ERI1: variants seen among roughly 807,000 people sequenced by gnomAD.
ERI1 encodes exoribonuclease 1, also known as 3'-5' exoribonuclease 1.
ERI1 carries 39 observed loss-of-function variants against 39.7 expected under a neutral mutation model. The observed-to-expected ratio is 0.98, with a 90% CI of 0.76 to 1.28. The LOEUF is 1.28. ERI1 is among the 50% of genes most tolerant of loss of function. The pLI is 0.00. For missense variants in ERI1, 581 were observed against 416.9 expected (o/e 1.39, Z -3.43); for synonymous variants, 204 against 149.6 (o/e 1.36, Z -2.65).
rs867137287 is a variant in ERI1 at position 9,061,997 on chromosome 8, G to T, written n.299+41533G>T. Among the ~76,000 whole-genome samples the T allele has an allele frequency of 1.4e-4, 21 of 152,204 alleles. 1 individual carries two copies. The Middle Eastern group carries it at 0.017, about 123-fold the overall frequency. ...GGAGAGTATATGGTTTTGGCACCAC[G>T]GGGTGGATAGGCAAAACAATTTGGT... On this transcript the variant is annotated intron_variant and non_coding_transcript_variant, in intron 3 of 3. Coordinates refer to the ERI1 transcript ENST00000518663.
At chr8:9,037,274 C>G (rs770679886), downstream of ERI1, among the ~76,000 whole-genome samples, 5 of 152,190 alleles carry the variant, frequency 3.3e-5, no homozygotes, top group Non-Finnish European at 5.9e-5. Context: ...CCATCACACT[C>G]GCGTTGAGTC....
chr8:9,081,599 A>G (rs1799368779), intron 3 of ERI1, among the ~76,000 whole-genome samples: 3 of 151,212 alleles, frequency 2.0e-5, no homozygotes, highest in South Asian at 4.2e-4. Flanking sequence ...CTTTCTTTCT[A>G]TGGCTCTCAG....
chr8:9,062,352 G>A (rs573878916), intron 3 of ERI1, among the ~76,000 whole-genome samples: 4 of 152,002 alleles, frequency 2.6e-5, no homozygotes, highest in South Asian at 2.1e-4. Context: ...CAGCAATGAG[G>A]TGTGGCTGTA....
intron 3 of ERI1, among the ~76,000 whole-genome samples, chr8:9,069,013 C>A (rs1160880503): frequency 6.6e-6 from 1 of 152,038 alleles, no homozygotes; most frequent in Non-Finnish European, 1.5e-5. Context: ...AGATGAGGGC[C>A]GCGCTGTGTG....
intron 3 of ERI1, among the ~76,000 whole-genome samples, chr8:9,045,727 A>T (rs1798153448): frequency 6.7e-6 from 1 of 148,978 alleles, no homozygotes. Flanking sequence ...CCCAGGCTAG[A>T]GGGCAGTGGC....
Position 9,003,097 on chromosome 8 carries a change from G to C in ERI1, c.34G>C (p.Glu12Gln). ...EDPQSKEPAG[E>Q]AVALALLESP... ...TCCACAGAGTAAAGAGCCTGCCGGCGAGGCCGTGGCTCTCGCGCTGCTGGA... is the reference window on the plus strand; with the variant it reads ...TCCACAGAGTAAAGAGCCTGCCGGCCAGGCCGTGGCTCTCGCGCTGCTGGA... Residue 12 changes from glutamate (E) to glutamine (Q), a missense_variant, in exon 1 of 7, where the codon GAG becomes CAG. Transcript: ENST00000250263. The C allele has an allele frequency of 8.0e-7, 1 of 1,247,714 alleles. No homozygotes were observed. The highest frequency in any genetic ancestry group is 4.0e-5 in the South Asian group (1 of 24,980). 77.3% of individuals were successfully genotyped at this position (1,247,714 alleles called of 1,614,324 possible).
intron 3 of ERI1, among the ~76,000 whole-genome samples, chr8:9,058,856 A>AATAAATAT (rs1374025801): frequency 5.9e-5 from 9 of 151,958 alleles, no homozygotes; most frequent in Non-Finnish European, 1.3e-4. Context: ...TAAATAAATA[A>AATAAATAT]ATAAATAAAT....
chr8:9,077,142 A>C (rs747405075), intron 3 of ERI1, among the ~76,000 whole-genome samples: 5 of 152,178 alleles, frequency 3.3e-5, no homozygotes, highest in Non-Finnish European at 7.3e-5. Flanking sequence ...TGGTATTCAA[A>C]GCTTTCTGTG....
intron 3 of ERI1, among the ~76,000 whole-genome samples, chr8:9,094,952 A>T (rs1799827932): frequency 1.3e-5 from 2 of 152,000 alleles, no homozygotes; most frequent in Non-Finnish European, 2.9e-5. Flanking sequence ...ATCCAAAGAT[A>T]ATTAATTCTC....
Position 9,003,115 on chromosome 8 carries a change from C to G in ERI1, c.52C>G (p.Leu18Val). The G allele has an allele frequency of 8.0e-7, 1 of 1,246,558 alleles. No individual in the cohort carries two copies. The highest frequency in any genetic ancestry group is 1.0e-6 in the Non-Finnish European group (1 of 990,260). The allele number at this position is 1,246,558 out of a possible 1,614,324, so 77.2% of individuals were successfully genotyped here. The part of the protein sequence containing the change: ...EPAGEAVALA[L>V]LESPRPEGGE... ...TGCCGGCGAGGCCGTGGCTCTCGCG[C>G]TGCTGGAGTCGCCGCGGCCGGAGGG... is the stretch of plus-strand genomic sequence containing the variant. Residue 18 changes from leucine to valine, a missense_variant, in exon 1 of 7, where the codon CTG (leucine) becomes GTG (valine). Coordinates refer to ENST00000250263, the MANE Select transcript of ERI1 (RefSeq NM_153332.4).
intron 3 of ERI1, among the ~76,000 whole-genome samples, chr8:9,042,271 A>T (rs1452250868): frequency 6.6e-6 from 1 of 152,208 alleles, no homozygotes; most frequent in Non-Finnish European, 1.5e-5. Context: ...TCCCTTTGCG[A>T]TAATTTCTCT....
At chr8:9,025,167 T>C (rs890428795) in intron 6 of ERI1, among the ~76,000 whole-genome samples, 2 of 152,206 alleles carry the variant, frequency 1.3e-5, no homozygotes, top group African/African-American at 4.8e-5. Context: ...CCTAATCATA[T>C]GCTGGTGTTG....
At chr8:9,035,362 A>G (rs895698683), downstream of ERI1, among the ~76,000 whole-genome samples, 4 of 152,184 alleles carry the variant, frequency 2.6e-5, no homozygotes, top group African/African-American at 9.6e-5. Context: ...GGACAGGCTG[A>G]TTGTTGTTAA....
intron 3 of ERI1, among the ~76,000 whole-genome samples, chr8:9,067,923 T>TACACACAC (rs34870760): frequency 5.2e-4 from 78 of 149,832 alleles, no homozygotes; most frequent in African/African-American, 1.8e-3. Flanking sequence ...ATGCTACAAA[T>TACACACAC]ACACACACAC....
intron 3 of ERI1, among the ~76,000 whole-genome samples, chr8:9,092,685 A>G (rs1428801993): frequency 6.6e-6 from 1 of 152,174 alleles, no homozygotes; most frequent in Non-Finnish European, 1.5e-5. Context: ...TGCCACTTGG[A>G]CAAGATTCAG....
chr8:9,067,918 A>G (rs2953803), intron 3 of ERI1, among the ~76,000 whole-genome samples: 127,454 of 151,738 alleles, frequency 0.84, 54,182 homozygotes, highest in South Asian at 0.93. Flanking sequence ...GAGTTATGCT[A>G]CAAATACACA....
intron 1 of ERI1, chr8:9,004,144 T>G: frequency 1.6e-6 from 2 of 1,289,372 alleles, no homozygotes; most frequent in Non-Finnish European, 1.0e-6. Context: ...ATGTTCCTTT[T>G]GCCCTGTGTG....
intron 3 of ERI1, among the ~76,000 whole-genome samples, chr8:9,044,611 A>G (rs1798122624): frequency 6.6e-6 from 1 of 152,146 alleles, no homozygotes; most frequent in South Asian, 2.1e-4. Context: ...CTAGGGGGTC[A>G]AAGAGGGCTC....
intron 3 of ERI1, among the ~76,000 whole-genome samples, chr8:9,043,769 A>G (rs1376153691): frequency 2.6e-5 from 4 of 152,196 alleles, no homozygotes; most frequent in Non-Finnish European, 5.9e-5. Context: ...CTCAGGCAGA[A>G]CTTGAACTCC....
Sources: gnomAD v4.1 joint callset for allele counts (sites outside exome capture counted in the v4.1 genomes callset) on GRCh38, gnomAD v4.1.1 for gene constraint, MANE v1.5 for transcripts, NCBI Gene and HGNC (gene_info 2026-07-23, HGNC 2026-07-21) for gene names.